Variants in AGBL4 observed in about 807,000 individuals in gnomAD.
AGBL4 encodes cytosolic carboxypeptidase 6.
AGBL4 carries 58 observed loss-of-function variants against 66.4 expected under a neutral mutation model. That is an observed-to-expected ratio of 0.87 (90% CI 0.71 to 1.09). The LOEUF is 1.09. Ranked by LOEUF, AGBL4 falls within the 50% of genes least tolerant of loss-of-function variation. The pLI is 0.00. For synonymous variants in AGBL4, 234 were observed against 222.9 expected (o/e 1.05, Z -0.44); for missense variants, 579 against 631.0 (o/e 0.92, Z 0.88).
intron 5 of AGBL4, among the ~76,000 whole-genome samples, chr1:49,033,479 A>C (rs1196755131): frequency 6.6e-6 from 1 of 152,182 alleles, no homozygotes; most frequent in Non-Finnish European, 1.5e-5. Context: ...CAGAAAGAAC[A>C]GAAGGAGACT....
chr1:49,367,605 C>T (rs1233952455), intron 3 of AGBL4, among the ~76,000 whole-genome samples: 1 of 152,132 alleles, frequency 6.6e-6, no homozygotes. Flanking sequence ...TGGACAGGGG[C>T]AGAACTTGTT....
At chr1:48,980,303 GAATGAAC>G (rs1047970447) in intron 5 of AGBL4, among the ~76,000 whole-genome samples, 1 of 152,144 alleles carries the variant, frequency 6.6e-6, no homozygotes, top group Non-Finnish European at 1.5e-5. Flanking sequence ...TACAGGTCCT[GAATGAAC>G]ACCTCCCTCA....
At chr1:49,296,731 A>G (rs1463474152) in intron 3 of AGBL4, among the ~76,000 whole-genome samples, 2 of 152,218 alleles carry the variant, frequency 1.3e-5, no homozygotes, top group African/African-American at 4.8e-5. Context: ...GTTTATCAAC[A>G]TGAAAAATAG....
intron 3 of AGBL4, among the ~76,000 whole-genome samples, chr1:49,264,612 C>T (rs919743777): frequency 1.2e-4 from 18 of 151,832 alleles, no homozygotes; most frequent in Non-Finnish European, 2.1e-4. Context: ...GCGGCGCTAT[C>T]GTGGCTCACT....
chr1:49,993,888 C>T (rs1013915883), intron 1 of AGBL4, among the ~76,000 whole-genome samples: 1 of 152,154 alleles, frequency 6.6e-6, no homozygotes, highest in Non-Finnish European at 1.5e-5. Flanking sequence ...TTTACTATCA[C>T]TGTACAATTT....
chr1:49,613,121 A>G (rs1645184274), intron 3 of AGBL4, among the ~76,000 whole-genome samples: 1 of 152,156 alleles, frequency 6.6e-6, no homozygotes, highest in African/African-American at 2.4e-5. Context: ...AAGTGAATTA[A>G]CTCAGTAACA....
chr1:48,960,465 A>T (rs951218788), intron 5 of AGBL4, among the ~76,000 whole-genome samples: 6 of 152,194 alleles, frequency 3.9e-5, no homozygotes, highest in African/African-American at 1.4e-4. Context: ...ATCAGCTAAC[A>T]TATGGTATTT....
chr1:48,829,654 A>G (rs1646505726), intron 6 of AGBL4, among the ~76,000 whole-genome samples: 2 of 152,274 alleles, frequency 1.3e-5, no homozygotes, highest in African/African-American at 2.4e-5. Context: ...TGAAGAACAG[A>G]AAATAGGGTA....
At chr1:48,872,046 T>A (rs938795902) in intron 5 of AGBL4, among the ~76,000 whole-genome samples, 9 of 152,158 alleles carry the variant, frequency 5.9e-5, no homozygotes, top group African/African-American at 2.2e-4. Flanking sequence ...CACATGCTGA[T>A]TTTTGTCATT....
intron 3 of AGBL4, among the ~76,000 whole-genome samples, chr1:49,513,833 A>G (rs1487749498): frequency 6.6e-6 from 1 of 152,040 alleles, no homozygotes; most frequent in East Asian, 1.9e-4. Context: ...ATCAGTTAAC[A>G]AAAATGGCCT....
intron 1 of AGBL4, among the ~76,000 whole-genome samples, chr1:49,952,702 A>T (rs1656266735): frequency 6.6e-6 from 1 of 151,968 alleles, no homozygotes; most frequent in African/African-American, 2.4e-5. Flanking sequence ...AGTCAAAAAG[A>T]CTGCCTACAG....
intron 7 of AGBL4, among the ~76,000 whole-genome samples, chr1:48,656,313 A>G (rs1646019762): frequency 1.3e-5 from 2 of 152,240 alleles, no homozygotes; most frequent in South Asian, 2.1e-4. Context: ...GGCTGGGCAC[A>G]TAGTAGGTGC....
chr1:49,888,471 G>A (rs543268443), intron 1 of AGBL4, among the ~76,000 whole-genome samples: 1 of 152,134 alleles, frequency 6.6e-6, no homozygotes, highest in African/African-American at 2.4e-5. Context: ...ATAAAAAGCT[G>A]AAAAAACCTT....
intron 3 of AGBL4, among the ~76,000 whole-genome samples, chr1:49,613,257 G>C (rs1201820166): frequency 6.6e-6 from 1 of 151,750 alleles, no homozygotes; most frequent in African/African-American, 2.4e-5. Context: ...TGGGGTAAGG[G>C]CTGAAAACTA....
At chr1:48,570,198 A>T (rs185099032) in intron 11 of AGBL4, among the ~76,000 whole-genome samples, 123 of 152,376 alleles carry the variant, frequency 8.1e-4, no homozygotes, top group African/African-American at 2.9e-3. Context: ...GAGCCCAGTA[A>T]CTTTCCCTCA....
intron 6 of AGBL4, among the ~76,000 whole-genome samples, chr1:48,713,446 G>C (rs1646998900): frequency 6.6e-6 from 1 of 152,156 alleles, no homozygotes; most frequent in Non-Finnish European, 1.5e-5. Flanking sequence ...GGTTGGGGTG[G>C]GGGTGCTGCG....
At chr1:48,650,362 C>T (rs549602885) in intron 8 of AGBL4, among the ~76,000 whole-genome samples, 6 of 152,278 alleles carry the variant, frequency 3.9e-5, no homozygotes, top group East Asian at 3.9e-4. Flanking sequence ...ACCTGGCCAC[C>T]CGTCTTCCAA....
chr1:49,742,122 C>G (rs1011749672), intron 2 of AGBL4, among the ~76,000 whole-genome samples: 1 of 152,146 alleles, frequency 6.6e-6, no homozygotes, highest in African/African-American at 2.4e-5. Flanking sequence ...TCCCTGTTTG[C>G]AGATGACATG....
At chr1:49,855,509 A>C (rs1333179905) in intron 1 of AGBL4, among the ~76,000 whole-genome samples, 1 of 152,192 alleles carries the variant, frequency 6.6e-6, no homozygotes, top group East Asian at 1.9e-4. Context: ...CGGTCACAAA[A>C]CAAGTCTCAA....
Sources: gnomAD v4.1 joint callset for allele counts (sites outside exome capture counted in the v4.1 genomes callset) on GRCh38, gnomAD v4.1.1 for gene constraint, MANE v1.5 for transcripts, NCBI Gene and HGNC (gene_info 2026-07-23, HGNC 2026-07-21) for gene names.